CAV2: variants seen among roughly 807,000 people sequenced by gnomAD.
CAV2 encodes caveolin 2.
Under a neutral mutation model 15.5 loss-of-function variants are expected in CAV2, and 7 were observed. The observed-to-expected ratio is 0.45, with a 90% CI of 0.26 to 0.85. CAV2 has a LOEUF of 0.85. CAV2 is among the 40% of genes least tolerant of loss of function. The pLI is 0.18. For synonymous variants in CAV2, 76 were observed against 83.1 expected, an observed-to-expected ratio of 0.91 and a Z score of 0.46; for missense variants, 229 against 208.8, an observed-to-expected ratio of 1.10 and a Z score of -0.60.
At chr7:116,504,672 C>G (rs569662430) in intron 2 of CAV2, among the ~76,000 whole-genome samples, 2 of 152,268 alleles carry the variant, frequency 1.3e-5, no homozygotes, top group East Asian at 3.9e-4. Flanking sequence ...ATTGAGGCTA[C>G]CAGCAGTGCC....
At chr7:116,503,893 GGGAGGGA>G (rs1793162071) in intron 2 of CAV2, among the ~76,000 whole-genome samples, 1 of 58,728 alleles carries the variant, frequency 1.7e-5, no homozygotes, top group Admixed American at 1.9e-4. Flanking sequence ...AAGAGAGGGA[GGGAGGGA>G]GGGAGGGAGG....
rs1030637239 is a variant in CAV2 at position 116,506,812 on chromosome 7, G to C, written c.*691G>C. 6 of 152,014 alleles carry C rather than the reference G, an allele frequency of 3.9e-5. No homozygotes were observed. The highest frequency in any genetic ancestry group is 8.8e-5 in the Non-Finnish European group (6 of 67,984). 9.4% of individuals were successfully genotyped at this position (152,014 alleles called of 1,614,324 possible). A position where few individuals can be genotyped will look rare whatever the true frequency, so the allele number is the denominator to read the frequency against. On this transcript the variant is annotated 3_prime_UTR_variant, in exon 3 of 3. Coordinates refer to ENST00000222693, the MANE Select transcript of CAV2 (RefSeq NM_001233.5). Reference sequence around the variant, plus strand: ...GCATTTTTATTATATTTATGTTGTTGAACTAATATATGAAATAAGTAAATG... The same window carrying C: ...GCATTTTTATTATATTTATGTTGTTCAACTAATATATGAAATAAGTAAATG...
In CAV2 at chr7:116,506,965, G is replaced by A. The variant is rs1347225225; in HGVS notation, c.*844G>A. 1 of 152,282 alleles carries A rather than the reference G, an allele frequency of 6.6e-6. No individual in the cohort carries two copies. The highest frequency in any genetic ancestry group is 1.5e-5 in the Non-Finnish European group (1 of 67,996). 9.4% of individuals were successfully genotyped at this position (152,282 alleles called of 1,614,324 possible). A position where few individuals can be genotyped will look rare whatever the true frequency, so the allele number is the denominator to read the frequency against. ...AAGCTTTCTTTTCTAACTTTTCCAA[G>A]CAAAATCTAAAATGTTTTATGACAT... On this transcript the variant is annotated 3_prime_UTR_variant, in exon 3 of 3. Coordinates refer to ENST00000222693, the MANE Select transcript of CAV2 (RefSeq NM_001233.5).
intron 2 of CAV2, among the ~76,000 whole-genome samples, chr7:116,503,381 C>T (rs1401133225): frequency 6.6e-6 from 1 of 152,092 alleles, no homozygotes; most frequent in Non-Finnish European, 1.5e-5. Context: ...AATGAGTTAA[C>T]AACACCCTAT....
intron 2 of CAV2, among the ~76,000 whole-genome samples, chr7:116,503,170 A>T (rs1320939599): frequency 6.7e-6 from 1 of 148,162 alleles, no homozygotes; most frequent in Non-Finnish European, 1.5e-5. Flanking sequence ...AATATATATA[A>T]TATATATATA....
At chr7:116,500,469 G>A in intron 2 of CAV2, 22 bp downstream of exon 2, 1 of 1,604,692 alleles carries the variant, frequency 6.2e-7, no homozygotes, top group Non-Finnish European at 8.5e-7. Context: ...CACACCGGGT[G>A]GACCGGCTTT....
intron 2 of CAV2, chr7:116,501,057 T>C (rs2116118421): frequency 6.6e-6 from 1 of 152,212 alleles, no homozygotes; most frequent in East Asian, 1.9e-4. Flanking sequence ...TGCGGGATAA[T>C]GAATGAGAAG....
rs533772191 is a variant in CAV2, at chr7:116,502,145, C to A, written c.338+1698C>A. On this transcript the variant is annotated intron_variant, in intron 2 of 2. Coordinates refer to ENST00000222693, the MANE Select transcript of CAV2 (RefSeq NM_001233.5). Reference sequence around the variant, plus strand: ...TTATAGTCAACAAAGCTAGGCTTCCCAAAGCTTTTGTGAAAGAATTTGAAA... The same window carrying A: ...TTATAGTCAACAAAGCTAGGCTTCCAAAAGCTTTTGTGAAAGAATTTGAAA... Among the ~76,000 whole-genome samples, 3 of 151,660 alleles carry A rather than the reference C, an allele frequency of 2.0e-5. No homozygotes were observed. In the South Asian group the frequency reaches 6.2e-4, roughly 32 times the overall value.
intron 2 of CAV2, among the ~76,000 whole-genome samples, chr7:116,503,165 A>G (rs928823154): frequency 6.7e-6 from 1 of 148,596 alleles, no homozygotes; most frequent in Non-Finnish European, 1.5e-5. Context: ...ATATTAATAT[A>G]TATAATATAT....
At position 116,499,946 on chromosome 7, in the gene CAV2, G is replaced by C. The variant is rs1793051727; in HGVS notation, c.150+15G>C. On this transcript the variant is annotated intron_variant, in intron 1 of 2. Transcript: ENST00000222693. The stretch of plus-strand genomic sequence containing the variant: ...CGCATCTCAAGGTGAAGCCCGGGGC[G>C]GGCGGGCCCAAGTCCCCGCTGAGGC... 2.5e-6 allele frequency: 4 copies of C among 1,608,184 alleles called. No homozygotes were observed. The highest frequency in any genetic ancestry group is 3.4e-5 in the Admixed American group (2 of 59,432).
rs764935846 is a variant in CAV2, at chr7:116,500,491, G to C, written c.338+44G>C. On this transcript the variant is annotated intron_variant, in intron 2 of 2. Transcript: ENST00000222693. ...GGTGGACCGGCTTTCTGAAACATGG[G>C]CATATTCTCCGCCACCTGCCCCCTA... 1.1e-5 allele frequency: 18 copies of C among 1,576,020 alleles called. No homozygotes were observed. The African/African-American group carries it at 2.2e-4, about 19-fold the overall frequency.
At chr7:116,501,554 T>C (rs1793104115) in intron 2 of CAV2, among the ~76,000 whole-genome samples, 1 of 152,204 alleles carries the variant, frequency 6.6e-6, no homozygotes, top group African/African-American at 2.4e-5. Flanking sequence ...AAACTTTAAA[T>C]TGATTGAGTG....
chr7:116,499,754 G>A lies in CAV2; in HGVS notation c.-28G>A. The A allele has an allele frequency of 6.6e-7, 1 of 1,505,888 alleles. No homozygotes were observed. Among genetic ancestry groups the A allele is most frequent in the Admixed American group, 2.2e-5 (1 of 44,630 alleles). 93.3% of individuals were successfully genotyped at this position (1,505,888 alleles called of 1,614,324 possible). A position where few individuals can be genotyped will look rare whatever the true frequency, so the allele number is the denominator to read the frequency against. ...CCGGGAGCCGCACCGCGCCAGCCGG[G>A]CTGCAGCGGCCGCGCACCAAGGCTG... On this transcript the variant is annotated 5_prime_UTR_variant, in exon 1 of 3. Coordinates refer to ENST00000222693, the MANE Select transcript of CAV2 (RefSeq NM_001233.5).
chr7:116,503,494 C>T (rs141848475), intron 2 of CAV2, among the ~76,000 whole-genome samples: 122 of 152,086 alleles, frequency 8.0e-4, no homozygotes, highest in African/African-American at 2.3e-3. Flanking sequence ...TAAGGAGTCA[C>T]GGAGATAGAA....
At chr7:116,502,115 C>T (rs985102805) in intron 2 of CAV2, among the ~76,000 whole-genome samples, 2 of 151,882 alleles carry the variant, frequency 1.3e-5, no homozygotes, top group African/African-American at 4.8e-5. Flanking sequence ...TGTGAAGTAC[C>T]ATATTTATAG....
chr7:116,501,242 T>A (rs953081821), intron 2 of CAV2: 2 of 152,242 alleles, frequency 1.3e-5, no homozygotes, highest in African/African-American at 4.8e-5. Context: ...AAATTTTTTA[T>A]GGAAAATGTC....
In CAV2 at chr7:116,502,607, T is replaced by C. The variant is rs551253965; in HGVS notation, c.338+2160T>C. Reference sequence around the variant, plus strand: ...AGCTTTTTTTGTTTTGTTTTCTTTTTATATATATTTTTTAAAGCAGGGGCT... The same window carrying C: ...AGCTTTTTTTGTTTTGTTTTCTTTTCATATATATTTTTTAAAGCAGGGGCT... On this transcript the variant is annotated intron_variant, in intron 2 of 2. Coordinates refer to ENST00000222693, the MANE Select transcript of CAV2 (RefSeq NM_001233.5). 2.6e-5 allele frequency among the ~76,000 whole-genome samples: 4 copies of C among 152,228 alleles called. No homozygotes were observed. In the South Asian group the frequency reaches 6.2e-4, roughly 24 times the overall value.
At chr7:116,504,667 G>A (rs2116132805) in intron 2 of CAV2, among the ~76,000 whole-genome samples, 1 of 152,236 alleles carries the variant, frequency 6.6e-6, no homozygotes, top group Non-Finnish European at 1.5e-5. Context: ...CTTCCATTGA[G>A]GCTACCAGCA....
rs143606406 is a variant in CAV2 at position 116,500,376 on chromosome 7, G to C, written c.267G>C (p.Thr89=). 9 of 1,614,036 alleles carry C rather than the reference G, an allele frequency of 5.6e-6. No homozygotes were observed. In the Admixed American group the frequency reaches 6.7e-5, roughly 12 times the overall value. Residue 89 remains threonine, a synonymous_variant, in exon 2 of 3, where the codon ACG becomes ACC. Transcript: ENST00000222693. The stretch of plus-strand genomic sequence containing the variant: ...AATACGTAATGTACAAGTTCCTGAC[G>C]GTGTTCCTGGCCATTCCCCTGGCCT... ...ISKYVMYKFL[T]VFLAIPLAFI...
Sources: allele counts gnomAD v4.1 joint callset (sites outside exome capture counted in the v4.1 genomes callset), GRCh38; gene constraint gnomAD v4.1.1; transcripts MANE v1.5; gene names NCBI Gene and HGNC (gene_info 2026-07-23, HGNC 2026-07-21).